FAM117B: variants seen among roughly 807,000 people sequenced by gnomAD.
The protein encoded by FAM117B is protein FAM117B.
In FAM117B, 22 loss-of-function variants were observed where a neutral mutation model predicts 52.8. That is an observed-to-expected ratio of 0.42 (90% CI 0.30 to 0.59). The LOEUF (loss-of-function observed/expected upper bound fraction) is 0.59. Ranked by LOEUF, FAM117B falls within the 20% of genes least tolerant of loss-of-function variation. The pLI is 0.22. For synonymous variants in FAM117B, 309 were observed against 324.1 expected (o/e 0.95, Z 0.50); for missense variants, 678 against 802.6 (o/e 0.84, Z 1.88).
Position 202,765,458 on chromosome 2 carries a change from T to C in FAM117B, c.1464T>C (p.Leu488=), listed in dbSNP as rs956707215. The C allele has an allele frequency of 1.9e-6, 3 of 1,613,932 alleles. No homozygotes were observed. In the African/African-American group the frequency reaches 4.0e-5, roughly 22 times the overall value. ...KVFEECSPKQ[L]HEIPAFYCPD... is the part of the protein sequence containing the mutation. ...GTTCTATGTCTAGGCCAAAACAGCT[T>C]CATGAAATCCCAGCCTTTTATTGTC... Residue 488 remains leucine, a synonymous_variant, in exon 8 of 8, where the codon CTT becomes CTC. Coordinates refer to ENST00000392238, the MANE Select transcript of FAM117B (RefSeq NM_173511.4).
intron 1 of FAM117B, among the ~76,000 whole-genome samples, chr2:202,656,596 T>G (rs1690060668): frequency 6.6e-6 from 1 of 152,198 alleles, no homozygotes; most frequent in South Asian, 2.1e-4. Flanking sequence ...TTCTTCTAAA[T>G]TTGTTGAGGT....
chr2:202,730,358 G>A (rs560716221), intron 4 of FAM117B, among the ~76,000 whole-genome samples: 1 of 152,088 alleles, frequency 6.6e-6, no homozygotes, highest in African/African-American at 2.4e-5. Flanking sequence ...TAAGGATGAT[G>A]TCAATTTTAA....
chr2:202,721,778 C>T (rs1473808288), intron 2 of FAM117B, among the ~76,000 whole-genome samples: 1 of 151,904 alleles, frequency 6.6e-6, no homozygotes, highest in South Asian at 2.1e-4. Flanking sequence ...GGACTACAGT[C>T]GTGAGTCATG....
intron 1 of FAM117B, among the ~76,000 whole-genome samples, chr2:202,639,323 A>C (rs1689732932): frequency 6.6e-6 from 1 of 152,230 alleles, no homozygotes; most frequent in Non-Finnish European, 1.5e-5. Context: ...GGTTAGAGCT[A>C]ATTGGCTGGT....
chr2:202,658,866 A>G (rs1050637712), intron 1 of FAM117B, among the ~76,000 whole-genome samples: 22 of 151,756 alleles, frequency 1.4e-4, no homozygotes, highest in Admixed American at 3.9e-4. Context: ...TCACTTAATT[A>G]TTTATGTTTC....
At chr2:202,709,272 A>T (rs1690924128) in intron 2 of FAM117B, among the ~76,000 whole-genome samples, 1 of 151,422 alleles carries the variant, frequency 6.6e-6, no homozygotes, top group Admixed American at 6.6e-5. Context: ...GAGTGATCTC[A>T]ATTCACTGCA....
At chr2:202,672,369 C>T (rs1292423753) in intron 1 of FAM117B, among the ~76,000 whole-genome samples, 2 of 152,070 alleles carry the variant, frequency 1.3e-5, no homozygotes, top group East Asian at 1.9e-4. Context: ...TGCGCCACCA[C>T]GCCTGGCTAA....
intron 4 of FAM117B, among the ~76,000 whole-genome samples, chr2:202,751,997 A>C (rs1691732293): frequency 6.6e-6 from 1 of 152,124 alleles, no homozygotes; most frequent in Non-Finnish European, 1.5e-5. Flanking sequence ...AGTAAAGGGA[A>C]TAAGTAATAC....
At chr2:202,717,280 G>A (rs1303221908) in intron 2 of FAM117B, among the ~76,000 whole-genome samples, 1 of 152,134 alleles carries the variant, frequency 6.6e-6, no homozygotes, top group Admixed American at 6.5e-5. Context: ...CGACCAGCCT[G>A]GGTAACATGG....
At chr2:202,660,380 G>A (rs1255896370) in intron 1 of FAM117B, among the ~76,000 whole-genome samples, 1 of 152,046 alleles carries the variant, frequency 6.6e-6, no homozygotes, top group East Asian at 1.9e-4. Context: ...GTGGGCTGTG[G>A]TTCTAATGTC....
chr2:202,646,612 C>T (rs557476265), intron 1 of FAM117B, among the ~76,000 whole-genome samples: 2 of 152,210 alleles, frequency 1.3e-5, no homozygotes, highest in Admixed American at 6.5e-5. Flanking sequence ...GGAACCCAGG[C>T]ATTTGTCACC....
intron 4 of FAM117B, among the ~76,000 whole-genome samples, chr2:202,739,429 GTCCT>G (rs1691490313): frequency 6.8e-6 from 1 of 147,874 alleles, no homozygotes; most frequent in Non-Finnish European, 1.5e-5. Flanking sequence ...CTGTCTGTCT[GTCCT>G]TCCCTCCCCT....
At chr2:202,752,856 AC>A (rs1270225742) in intron 4 of FAM117B, among the ~76,000 whole-genome samples, 1 of 152,240 alleles carries the variant, frequency 6.6e-6, no homozygotes, top group African/African-American at 2.4e-5. Context: ...GACAATAAAA[AC>A]ATTTTTAATT....
intron 1 of FAM117B, among the ~76,000 whole-genome samples, chr2:202,674,438 T>C (rs1251055286): frequency 6.6e-6 from 1 of 152,264 alleles, no homozygotes; most frequent in Non-Finnish European, 1.5e-5. Context: ...GTATAACTGA[T>C]GAAGTTGAAT....
In FAM117B at chr2:202,658,233, C is replaced by G. The variant is rs1438324532; in HGVS notation, c.601+22445C>G. ...TATCATTTTCCTTCTGCTTGAAGATCTACATTTAGCATTTGTTTTAGAACA... is the reference window on the plus strand; with the variant it reads ...TATCATTTTCCTTCTGCTTGAAGATGTACATTTAGCATTTGTTTTAGAACA... On this transcript the variant is annotated intron_variant, in intron 1 of 7. Transcript: ENST00000392238. 5.9e-5 allele frequency among the ~76,000 whole-genome samples: 9 copies of G among 152,220 alleles called. No individual in the cohort carries two copies. In the East Asian group the frequency reaches 1.7e-3, roughly 29 times the overall value.
chr2:202,736,939 T>C (rs143048675), intron 4 of FAM117B, among the ~76,000 whole-genome samples: 34 of 152,324 alleles, frequency 2.2e-4, no homozygotes, highest in Non-Finnish European at 3.8e-4. Context: ...CTATATCTCT[T>C]TCCCCTACTC....
intron 4 of FAM117B, 119 bp from the exon 5 acceptor site, chr2:202,755,419 T>C: frequency 7.9e-7 from 1 of 1,261,452 alleles, no homozygotes. Flanking sequence ...CTCACACTTT[T>C]TGTGAGGCCT....
intron 1 of FAM117B, 66 bp downstream of exon 1, chr2:202,635,854 C>G: frequency 7.5e-7 from 1 of 1,333,874 alleles, no homozygotes; most frequent in Non-Finnish European, 9.6e-7. Flanking sequence ...GCGCGCGCTG[C>G]AATCGCGCGG....
chr2:202,668,101 T>TA (rs1370433018), intron 1 of FAM117B, among the ~76,000 whole-genome samples: 7 of 142,514 alleles, frequency 4.9e-5, no homozygotes, highest in African/African-American at 1.6e-4. Context: ...AAAAATATAT[T>TA]TATATAAAAA....
Sources: gnomAD v4.1 joint callset for allele counts (sites outside exome capture counted in the v4.1 genomes callset) on GRCh38, gnomAD v4.1.1 for gene constraint, MANE v1.5 for transcripts, NCBI Gene and HGNC (gene_info 2026-07-23, HGNC 2026-07-21) for gene names.